Variants in CTNND2 observed in about 807,000 individuals in gnomAD.
The protein encoded by CTNND2 is catenin delta 2.
Under a neutral mutation model 144.4 loss-of-function variants are expected in CTNND2, and 22 were observed. The observed-to-expected ratio is 0.15, with a 90% CI of 0.11 to 0.22. CTNND2 has a LOEUF of 0.22. Among genes scored for constraint, CTNND2 ranks in the 10% least tolerant of loss-of-function variants. The probability of loss-of-function intolerance (pLI) is 1.00; values close to 1 mark genes in which losing one functional copy is unlikely to be tolerated. For missense variants in CTNND2, 1,353 were observed against 1,618.8 expected, an observed-to-expected ratio of 0.84 and a Z score of 2.82; for synonymous variants, 751 against 695.6, an observed-to-expected ratio of 1.08 and a Z score of -1.25.
chr5:11,046,421 A>G (rs1042803931), intron 16 of CTNND2, among the ~76,000 whole-genome samples: 1 of 152,090 alleles, frequency 6.6e-6, no homozygotes, highest in Non-Finnish European at 1.5e-5. Flanking sequence ...AAGGCAATCG[A>G]CCCTGTGACA....
rs908116582 is a variant in CTNND2, at chr5:11,276,576, G to A, written c.1629-39753C>T. ...GTCTCACGACTTTAACTAGACTAGGGTATAGTGCATAGTGGGTTGCAAAGT... is the reference window on the plus strand; with the variant it reads ...GTCTCACGACTTTAACTAGACTAGGATATAGTGCATAGTGGGTTGCAAAGT... On this transcript the variant is annotated intron_variant, in intron 9 of 21. Coordinates refer to ENST00000304623, the MANE Select transcript of CTNND2 (RefSeq NM_001332.4). Among the ~76,000 whole-genome samples the A allele has an allele frequency of 3.5e-4, 54 of 152,150 alleles. 1 individual carries two copies. Among genetic ancestry groups the A allele is most frequent in the South Asian group, 2.1e-4 (1 of 4,816 alleles).
At chr5:10,986,507 A>G (rs866073504) in intron 20 of CTNND2, 1 of 405,626 alleles carries the variant, frequency 2.5e-6, no homozygotes, top group Non-Finnish European at 4.9e-6. Flanking sequence ...AGCTCAGCAT[A>G]ATCAGTACAA....
At chr5:11,188,253 A>G (rs182812266) in intron 11 of CTNND2, among the ~76,000 whole-genome samples, 60 of 152,298 alleles carry the variant, frequency 3.9e-4, no homozygotes, top group African/African-American at 1.4e-3. Context: ...ATATATATAT[A>G]CCATAGAATA....
At chr5:11,502,150 A>T (rs1770590444) in intron 3 of CTNND2, among the ~76,000 whole-genome samples, 1 of 152,034 alleles carries the variant, frequency 6.6e-6, no homozygotes, top group African/African-American at 2.4e-5. Flanking sequence ...CATTCCTGCC[A>T]GCACTAATGT....
At chr5:11,664,361 G>A (rs1266749239) in intron 2 of CTNND2, among the ~76,000 whole-genome samples, 1 of 152,142 alleles carries the variant, frequency 6.6e-6, no homozygotes, top group Non-Finnish European at 1.5e-5. Context: ...GGGAGGCCAA[G>A]GCCAGCGGAT....
chr5:11,858,439 A>C (rs1230291193), intron 1 of CTNND2, among the ~76,000 whole-genome samples: 1 of 152,216 alleles, frequency 6.6e-6, no homozygotes, highest in Admixed American at 6.5e-5. Flanking sequence ...TTGCTGCTGC[A>C]AATGTAAGGT....
intron 11 of CTNND2, among the ~76,000 whole-genome samples, chr5:11,181,655 A>ATGTG (rs150884256): frequency 1.4e-4 from 21 of 150,444 alleles, no homozygotes; most frequent in African/African-American, 4.9e-4. Context: ...CTCCGTGTGT[A>ATGTG]TGTGTGTGTG....
chr5:11,810,044 C>A (rs1189139435), intron 1 of CTNND2, among the ~76,000 whole-genome samples: 2 of 152,244 alleles, frequency 1.3e-5, no homozygotes, highest in East Asian at 3.9e-4. Flanking sequence ...AAAACCATGT[C>A]CCCGGACAAA....
chr5:11,840,044 A>G (rs1002037198), intron 1 of CTNND2, among the ~76,000 whole-genome samples: 1 of 152,204 alleles, frequency 6.6e-6, no homozygotes, highest in African/African-American at 2.4e-5. Flanking sequence ...AATCAACACA[A>G]AATCTTTTTT....
At chr5:11,270,257 C>T (rs1745860378) in intron 9 of CTNND2, among the ~76,000 whole-genome samples, 2 of 151,508 alleles carry the variant, frequency 1.3e-5, no homozygotes, top group Non-Finnish European at 2.9e-5. Flanking sequence ...TAACACGTAA[C>T]ACACACACAC....
chr5:11,070,429 G>A (rs1228585062), intron 16 of CTNND2, among the ~76,000 whole-genome samples: 1 of 151,938 alleles, frequency 6.6e-6, no homozygotes, highest in African/African-American at 2.4e-5. Context: ...AGCACAAAGT[G>A]AAAAAGAACA....
intron 5 of CTNND2, among the ~76,000 whole-genome samples, chr5:11,406,402 T>G (rs1761109110): frequency 6.6e-6 from 1 of 152,196 alleles, no homozygotes; most frequent in African/African-American, 2.4e-5. Context: ...ACCATGACTT[T>G]TATTTTTTGA....
intron 3 of CTNND2, among the ~76,000 whole-genome samples, chr5:11,414,291 C>A (rs1761757404): frequency 6.6e-6 from 1 of 152,128 alleles, no homozygotes; most frequent in Non-Finnish European, 1.5e-5. Flanking sequence ...GAATAAATTT[C>A]TATTGTTTTA....
At chr5:11,674,009 G>A (rs1199800813) in intron 2 of CTNND2, among the ~76,000 whole-genome samples, 3 of 152,150 alleles carry the variant, frequency 2.0e-5, no homozygotes, top group African/African-American at 7.2e-5. Context: ...TTTATTCACA[G>A]AGGTTTGGGA....
rs773779910 is a variant in CTNND2, at chr5:11,384,975, G to T, written c.867C>A (p.Gly289=). The T allele has an allele frequency of 3.3e-6, 5 of 1,535,582 alleles. No individual in the cohort carries two copies. In the South Asian group the frequency reaches 6.0e-5, roughly 18 times the overall value. ...AGCCGCGCGGCGCGGCGTAGGTGGC[G>T]CCCTCGGGGGCCGAGCCGCCGCGCT... is the stretch of plus-strand genomic sequence containing the variant. ...KLQRGGSAPE[G]ATYAAPRGSS... is the part of the protein sequence containing the mutation. Residue 289 remains glycine (G), a synonymous_variant, in exon 7 of 22, where the codon GGC becomes GGA. Coordinates refer to ENST00000304623, the MANE Select transcript of CTNND2 (RefSeq NM_001332.4). This position sits in a 1 kb window ranked among gnomAD's most constrained non-coding sequence, Gnocchi z 5.2.
chr5:11,231,140 C>T lies in CTNND2; in HGVS notation c.1761+5551G>A, dbSNP rs537543101. Among the ~76,000 whole-genome samples, 185 of 152,270 alleles carry T rather than the reference C, an allele frequency of 1.2e-3. 2 individuals are homozygous for T. The highest frequency in any genetic ancestry group is 5.2e-3 in the Admixed American group (79 of 15,304). On this transcript the variant is annotated intron_variant, in intron 10 of 21. Coordinates refer to ENST00000304623, the MANE Select transcript of CTNND2 (RefSeq NM_001332.4). ...TCCCCTGCTTGAATACATTCTTTCT[C>T]CTGCCCCCGTGAAAAGGTGCCTTCT...
chr5:11,098,421 C>T (rs985565111), intron 15 of CTNND2, among the ~76,000 whole-genome samples, 154 bp downstream of exon 15: 1 of 152,218 alleles, frequency 6.6e-6, no homozygotes, highest in Non-Finnish European at 1.5e-5. Flanking sequence ...AAAAGGAATA[C>T]ATTTCCAAGT....
intron 15 of CTNND2, among the ~76,000 whole-genome samples, chr5:11,091,720 C>T (rs1750791930): frequency 1.3e-5 from 2 of 152,332 alleles, no homozygotes; most frequent in Middle Eastern, 3.4e-3. Flanking sequence ...CAAGACCCTA[C>T]TGACTATTCT....
chr5:11,660,834 ATAAAGT>A (rs902734685), intron 2 of CTNND2, among the ~76,000 whole-genome samples: 10 of 152,194 alleles, frequency 6.6e-5, no homozygotes, highest in South Asian at 2.1e-4. Flanking sequence ...ATAAAGTAAA[ATAAAGT>A]TAAAGTACAC....
Sources: allele counts gnomAD v4.1 joint callset (sites outside exome capture counted in the v4.1 genomes callset), GRCh38; gene constraint gnomAD v4.1.1; non-coding constraint Gnocchi (gnomAD v3.1); transcripts MANE v1.5; gene names NCBI Gene and HGNC (gene_info 2026-07-23, HGNC 2026-07-21).